Variants in PHF24 observed in about 807,000 individuals in gnomAD.
The protein encoded by PHF24 is PHD finger protein 24, also known as Galpha inhibitory interacting protein.
Under a neutral mutation model 42.6 loss-of-function variants are expected in PHF24, and 25 were observed. The ratio of observed to expected loss-of-function variants is 0.59; its 90% CI spans 0.43 to 0.82. The LOEUF is 0.82. PHF24 is among the 40% of genes least tolerant of loss of function. The pLI, the probability that PHF24 is intolerant of heterozygous loss-of-function variation, is 0.00. For synonymous variants in PHF24, 185 were observed against 204.8 expected (o/e 0.90, Z 0.83); for missense variants, 470 against 538.1 (o/e 0.87, Z 1.25).
chr9:34,666,219 A>AC, the PHF24 span: 1 of 163,636 alleles, frequency 6.1e-6, no homozygotes, highest in Admixed American at 5.7e-5. Context: ...CCTCTTTTAT[A>AC]GGTGTCAGGT....
chr9:34,689,668 T>TCACACA, the PHF24 span: 6 of 836,316 alleles, frequency 7.2e-6, no homozygotes, highest in Non-Finnish European at 1.2e-5. This position sits in a 1 kb window ranked among gnomAD's most constrained non-coding sequence, Gnocchi z 4.1. Context: ...ACACTCACAC[T>TCACACA]CACACACACC....
upstream of PHF24, among the ~76,000 whole-genome samples, chr9:34,953,328 A>T (rs1463825571): frequency 6.6e-6 from 1 of 152,086 alleles, no homozygotes; most frequent in East Asian, 1.9e-4. This position sits in a 1 kb window ranked among gnomAD's most constrained non-coding sequence, Gnocchi z 4.1. Context: ...TTTATCTTTT[A>T]TTGTAGAGAC....
chr9:34,930,995 G>C, the PHF24 span, among the ~76,000 whole-genome samples: 3 of 152,138 alleles, frequency 2.0e-5, no homozygotes, highest in African/African-American at 7.2e-5. Flanking sequence ...CTCATGAATG[G>C]GTTAGCACCA....
the PHF24 span, among the ~76,000 whole-genome samples, chr9:34,806,398 G>A: frequency 9.2e-5 from 14 of 152,182 alleles, no homozygotes; most frequent in African/African-American, 3.4e-4. Flanking sequence ...TTCAACAATG[G>A]TTTGTAGTTT....
chr9:34,927,970 T>C, the PHF24 span, among the ~76,000 whole-genome samples: 1 of 152,110 alleles, frequency 6.6e-6, no homozygotes, highest in African/African-American at 2.4e-5. Flanking sequence ...GTGGGGATAG[T>C]TAATGGATAT....
At chr9:34,754,637 T>C in the PHF24 span, among the ~76,000 whole-genome samples, 1 of 152,120 alleles carries the variant, frequency 6.6e-6, no homozygotes, top group Non-Finnish European at 1.5e-5. Flanking sequence ...CTATGGAGAA[T>C]AGTTTGGAGG....
the PHF24 span, among the ~76,000 whole-genome samples, chr9:34,864,851 A>G: frequency 3.9e-5 from 6 of 152,314 alleles, no homozygotes; most frequent in African/African-American, 1.4e-4. Flanking sequence ...TGGACAGTAT[A>G]ATATATAAAT....
chr9:34,963,211 C>T (rs935307760), intron 1 of PHF24, among the ~76,000 whole-genome samples: 3 of 149,274 alleles, frequency 2.0e-5, no homozygotes, highest in Admixed American at 6.7e-5. Context: ...TCGGACCCCT[C>T]GGGGCTTGGA....
At chr9:34,903,474 GA>G in the PHF24 span, among the ~76,000 whole-genome samples, 1 of 152,338 alleles carries the variant, frequency 6.6e-6, no homozygotes, top group African/African-American at 2.4e-5. Context: ...GCTGAGGCAG[GA>G]GAATCACTTG....
At chr9:34,682,073 C>G in the PHF24 span, among the ~76,000 whole-genome samples, 20 of 54,442 alleles carry the variant, frequency 3.7e-4, no homozygotes, top group African/African-American at 1.2e-3. Context: ...CTCCCAGGCT[C>G]GAGAGTTCCT....
chr9:34,803,691 T>C, the PHF24 span, among the ~76,000 whole-genome samples: 49,545 of 152,034 alleles, frequency 0.33, 8,684 homozygotes, highest in East Asian at 0.55. Flanking sequence ...GAGAGATGGC[T>C]AGAATGCCAT....
At chr9:34,888,146 T>C in the PHF24 span, among the ~76,000 whole-genome samples, 1 of 152,174 alleles carries the variant, frequency 6.6e-6, no homozygotes, top group Admixed American at 6.6e-5. Flanking sequence ...TAATGCCTGC[T>C]CATCCTTTAG....
At chr9:34,883,314 C>T in the PHF24 span, among the ~76,000 whole-genome samples, 3 of 152,218 alleles carry the variant, frequency 2.0e-5, no homozygotes, top group East Asian at 5.8e-4. Context: ...GCAAGGACTT[C>T]ATGACTAAAA....
the PHF24 span, among the ~76,000 whole-genome samples, chr9:34,684,067 A>G: frequency 2.0e-5 from 3 of 152,156 alleles, no homozygotes; most frequent in African/African-American, 7.2e-5. Flanking sequence ...TCTTTTTAAT[A>G]AACTCCTTTT....
the PHF24 span, among the ~76,000 whole-genome samples, chr9:34,881,636 A>G: frequency 1.9e-4 from 29 of 152,328 alleles, no homozygotes; most frequent in East Asian, 5.6e-3. Context: ...TTCTGGACAC[A>G]TACACCCTCC....
Position 34,976,425 on chromosome 9 carries a change from G to C in PHF24, c.644-110G>C, listed in dbSNP as rs1042335041. On this transcript the variant is annotated intron_variant, in intron 4 of 7. Coordinates refer to ENST00000242315, the Ensembl canonical transcript of PHF24. The stretch of plus-strand genomic sequence containing the variant: ...GGTGACCCTGGCCATGGGAGGCAGA[G>C]ACTTAGCAAGAGCTGTGGGTTTGGG... 4.1e-6 allele frequency: 5 copies of C among 1,207,458 alleles called. No individual in the cohort carries two copies. In the African/African-American group the frequency reaches 7.5e-5, roughly 18 times the overall value. 74.8% of individuals were successfully genotyped at this position (1,207,458 alleles called of 1,614,324 possible).
chr9:34,678,132 C>T, the PHF24 span: 2 of 152,152 alleles, frequency 1.3e-5, no homozygotes, highest in East Asian at 1.9e-4. Context: ...GCCTAGCCTC[C>T]CAGCCTACAT....
chr9:34,725,828 A>T, the PHF24 span: 3 of 1,550,582 alleles, frequency 1.9e-6, no homozygotes, highest in Non-Finnish European at 2.6e-6. Flanking sequence ...GAGCTCATTG[A>T]AGAGAAAAGG....
At chr9:34,697,632 A>C in the PHF24 span, among the ~76,000 whole-genome samples, 1 of 152,304 alleles carries the variant, frequency 6.6e-6, no homozygotes, top group Non-Finnish European at 1.5e-5. Context: ...CACGTTTCAC[A>C]AACTTTTAAA....
Sources: allele counts gnomAD v4.1 joint callset (sites outside exome capture counted in the v4.1 genomes callset), GRCh38; gene constraint gnomAD v4.1.1; non-coding constraint Gnocchi (gnomAD v3.1); transcripts MANE v1.5; gene names NCBI Gene and HGNC (gene_info 2026-07-23, HGNC 2026-07-21).